Variants in CCDC171 observed in about 807,000 individuals in gnomAD.
CCDC171 encodes the protein coiled-coil domain containing 171.
CCDC171 carries 177 observed loss-of-function variants against 168.2 expected under a neutral mutation model. The observed-to-expected ratio is 1.05, with a 90% CI of 0.93 to 1.19. The LOEUF is 1.19. CCDC171 is among the 50% of genes most tolerant of loss of function. The probability of loss-of-function intolerance (pLI) is 0.00; values close to 1 mark genes in which losing one functional copy is unlikely to be tolerated. For missense variants in CCDC171, 1,991 were observed against 1,539.0 expected (o/e 1.29, Z -4.91); for synonymous variants, 687 against 540.8 (o/e 1.27, Z -3.75).
the CCDC171 span, among the ~76,000 whole-genome samples, chr9:16,107,760 A>G: frequency 6.6e-6 from 1 of 152,030 alleles, no homozygotes; most frequent in African/African-American, 2.4e-5. Flanking sequence ...AATTTTAAAC[A>G]TTTTCATCTC....
At chr9:16,102,725 A>C in the CCDC171 span, among the ~76,000 whole-genome samples, 6 of 152,146 alleles carry the variant, frequency 3.9e-5, no homozygotes, top group African/African-American at 1.4e-4. Context: ...TCACTTTCCA[A>C]CAGCTCTTCG....
intron 24 of CCDC171, among the ~76,000 whole-genome samples, chr9:15,898,831 T>C (rs184875720): frequency 8.3e-4 from 126 of 152,238 alleles, no homozygotes; most frequent in Non-Finnish European, 2.6e-4. Flanking sequence ...AACCAGAAAA[T>C]TGGCATTAGT....
At chr9:15,731,386 C>T (rs1462195951) in intron 16 of CCDC171, among the ~76,000 whole-genome samples, 1 of 152,074 alleles carries the variant, frequency 6.6e-6, no homozygotes, top group Non-Finnish European at 1.5e-5. Context: ...CATAGGCAAC[C>T]ATTGTTCTGA....
chr9:16,046,188 T>C (rs1307742037), intron 1 of CCDC171, among the ~76,000 whole-genome samples: 1 of 152,162 alleles, frequency 6.6e-6, no homozygotes, highest in Non-Finnish European at 1.5e-5. Context: ...CAGAATGCTT[T>C]AGAAAGAGGA....
At chr9:15,937,359 TA>T (rs1237152238) in intron 25 of CCDC171, among the ~76,000 whole-genome samples, 12 of 152,018 alleles carry the variant, frequency 7.9e-5, no homozygotes, top group Non-Finnish European at 1.0e-4. Context: ...TTAATATAAG[TA>T]AATTTTTTCA....
chr9:15,568,147 A>C (rs948090089), intron 2 of CCDC171, among the ~76,000 whole-genome samples: 13 of 151,636 alleles, frequency 8.6e-5, no homozygotes, highest in African/African-American at 3.2e-4. Context: ...GGATTTCTAG[A>C]ATTTTCTTTC....
At chr9:15,716,249 T>TA (rs2053078302) in intron 11 of CCDC171, among the ~76,000 whole-genome samples, 2 of 152,228 alleles carry the variant, frequency 1.3e-5, no homozygotes, top group African/African-American at 4.8e-5. Flanking sequence ...GTGTTCCTGA[T>TA]ATATTCTATT....
intron 18 of CCDC171, among the ~76,000 whole-genome samples, chr9:15,771,172 A>G (rs10962147): frequency 0.45 from 68,508 of 151,896 alleles, 15,759 homozygotes; most frequent in Non-Finnish European, 0.49. Flanking sequence ...CAGCCATACT[A>G]TAGTTAATAT....
At chr9:15,997,520 G>C (rs1832411284) in intron 3 of CCDC171, among the ~76,000 whole-genome samples, 1 of 152,178 alleles carries the variant, frequency 6.6e-6, no homozygotes, top group South Asian at 2.1e-4. Flanking sequence ...TACAGTTTCA[G>C]GGAATAGCCC....
chr9:15,837,859 G>A (rs1159394703), intron 21 of CCDC171, among the ~76,000 whole-genome samples: 1 of 152,192 alleles, frequency 6.6e-6, no homozygotes, highest in Non-Finnish European at 1.5e-5. Context: ...AAGCCTTTTA[G>A]AAATCTCACT....
At chr9:15,721,090 T>G (rs1480796256) in intron 11 of CCDC171, among the ~76,000 whole-genome samples, 1 of 152,214 alleles carries the variant, frequency 6.6e-6, no homozygotes, top group Non-Finnish European at 1.5e-5. Flanking sequence ...TTAAAGTAGT[T>G]TGAGGGCATA....
chr9:15,746,169 C>T (rs985664100), intron 18 of CCDC171, among the ~76,000 whole-genome samples: 10 of 151,948 alleles, frequency 6.6e-5, no homozygotes, highest in Admixed American at 2.6e-4. Context: ...TTTTATGATT[C>T]GGATTGCATG....
intron 8 of CCDC171, 147 bp downstream of exon 8, chr9:15,657,366 G>A: frequency 1.9e-6 from 1 of 521,366 alleles, no homozygotes; most frequent in East Asian, 3.4e-5. Context: ...TATAAGGTTA[G>A]GATACAGTTG....
intron 7 of CCDC171, among the ~76,000 whole-genome samples, chr9:15,628,114 G>T (rs371313604): frequency 2.0e-5 from 3 of 152,194 alleles, no homozygotes; most frequent in Admixed American, 1.3e-4. Context: ...GAAGACGGGT[G>T]ATTTCTGCAT....
intron 25 of CCDC171, among the ~76,000 whole-genome samples, chr9:15,920,964 A>T (rs1825240915): frequency 1.4e-5 from 1 of 71,038 alleles, no homozygotes; most frequent in Non-Finnish European, 4.0e-5. Flanking sequence ...CTTAACACTA[A>T]AAAAAAAAAA....
At chr9:15,610,204 A>G (rs1045638005) in intron 6 of CCDC171, among the ~76,000 whole-genome samples, 1 of 150,164 alleles carries the variant, frequency 6.7e-6, no homozygotes, top group African/African-American at 2.5e-5. Context: ...CCCTCCCTTG[A>G]TGGTCTTGTC....
In CCDC171 at chr9:15,739,948, A is replaced by C. The variant is rs750853234; in HGVS notation, c.2050-4325A>C. 7.2e-5 allele frequency among the ~76,000 whole-genome samples: 11 copies of C among 152,240 alleles called. No individual in the cohort carries two copies. The East Asian group carries it at 1.4e-3, about 19-fold the overall frequency. On this transcript the variant is annotated intron_variant, in intron 16 of 25. Coordinates refer to ENST00000380701, the MANE Select transcript of CCDC171 (RefSeq NM_173550.4). ...GAGATGGGGTTTCACTGTGTTAGCCAGGATGGTCTCGATCTCCTGGTCTTG... is the reference window on the plus strand; with the variant it reads ...GAGATGGGGTTTCACTGTGTTAGCCCGGATGGTCTCGATCTCCTGGTCTTG...
At position 15,579,022 on chromosome 9, in the gene CCDC171, T is replaced by C. The variant is rs41298196; in HGVS notation, c.351T>C (p.Cys117=). 2.5e-6 allele frequency: 4 copies of C among 1,612,324 alleles called. No individual in the cohort carries two copies. The highest frequency in any genetic ancestry group is 3.4e-6 in the Non-Finnish European group (4 of 1,179,024). The change falls in exon 4 of 26, where the codon TGT becomes TGC. Residue 117 remains cysteine (C), a splice_region_variant and synonymous_variant. Transcript: ENST00000380701. The stretch of plus-strand genomic sequence containing the variant: ...CACATAGGATCCAAGAAAAACTCTG[T>C]GGTAAGACTGTTTCTATTTCTTCCC... The part of the protein sequence containing the change: ...AEAHRIQEKL[C]AQNSELQAKT...
At chr9:15,788,534 T>A (rs74965992) in intron 21 of CCDC171, among the ~76,000 whole-genome samples, 2,629 of 151,478 alleles carry the variant, frequency 0.017, 45 homozygotes, top group Non-Finnish European at 0.026. Context: ...TGATTTATAA[T>A]CTGAAAGCAA....
Sources: allele counts gnomAD v4.1 joint callset (sites outside exome capture counted in the v4.1 genomes callset), GRCh38; gene constraint gnomAD v4.1.1; transcripts MANE v1.5; gene names NCBI Gene and HGNC (gene_info 2026-07-23, HGNC 2026-07-21).